Variants in MAGI2 observed in about 807,000 individuals in gnomAD.
MAGI2 encodes the protein membrane-associated guanylate kinase, WW and PDZ domain-containing protein 2.
A neutral mutation model predicts 133.3 loss-of-function variants in MAGI2; 35 were observed. The ratio of observed to expected loss-of-function variants is 0.26; its 90% CI spans 0.20 to 0.35. MAGI2 has a LOEUF of 0.35. Among genes scored for constraint, MAGI2 ranks in the 10% least tolerant of loss-of-function variants. The pLI is 1.00. For missense variants in MAGI2, 1,636 were observed against 1,863.4 expected (o/e 0.88, Z 2.25); for synonymous variants, 729 against 710.6 (o/e 1.03, Z -0.41).
intron 10 of MAGI2, among the ~76,000 whole-genome samples, chr7:78,232,476 G>A (rs2150878148): frequency 6.6e-6 from 1 of 152,314 alleles, no homozygotes; most frequent in East Asian, 1.9e-4. Context: ...CCAGATAATT[G>A]TCGTATGGAC....
chr7:78,528,111 A>G (rs1488148309), intron 3 of MAGI2, among the ~76,000 whole-genome samples: 1 of 152,238 alleles, frequency 6.6e-6, no homozygotes, highest in Non-Finnish European at 1.5e-5. Context: ...TGGTATTCCC[A>G]GAGAGCTTGA....
At chr7:78,126,445 A>G (rs1358939602) in intron 19 of MAGI2, among the ~76,000 whole-genome samples, 3 of 152,214 alleles carry the variant, frequency 2.0e-5, no homozygotes, top group African/African-American at 7.2e-5. Context: ...ATGTAATCTG[A>G]TAGAGTTGAG....
rs529281451 is a variant in MAGI2, at chr7:79,449,137, T to C, written c.301+3883A>G. Among the ~76,000 whole-genome samples the C allele has an allele frequency of 3.3e-5, 5 of 152,282 alleles. No homozygotes were observed. The East Asian group carries it at 9.6e-4, about 29-fold the overall frequency. On this transcript the variant is annotated intron_variant, in intron 1 of 21. Coordinates refer to ENST00000354212, the MANE Select transcript of MAGI2 (RefSeq NM_012301.4). ...TCAGAAAATTTGACATAATTTGTTT[T>C]TACCTTTTCAGATACAAAGGAGTAT...
At chr7:78,647,382 A>G (rs1245725668) in intron 2 of MAGI2, among the ~76,000 whole-genome samples, 2 of 152,224 alleles carry the variant, frequency 1.3e-5, no homozygotes, top group African/African-American at 4.8e-5. Context: ...CAGCCCACAG[A>G]CATATGAAAA....
At chr7:78,464,009 T>G (rs983793386) in intron 6 of MAGI2, among the ~76,000 whole-genome samples, 1 of 152,210 alleles carries the variant, frequency 6.6e-6, no homozygotes, top group African/African-American at 2.4e-5. Flanking sequence ...AAATGGGAAT[T>G]GTTGCAAAGG....
intron 2 of MAGI2, among the ~76,000 whole-genome samples, chr7:78,772,948 C>G (rs1825708727): frequency 6.6e-6 from 1 of 152,168 alleles, no homozygotes; most frequent in Non-Finnish European, 1.5e-5. Context: ...CTAGCATTGG[C>G]TGTTTTCATT....
chr7:78,830,847 A>G (rs895227517), intron 2 of MAGI2, among the ~76,000 whole-genome samples: 4 of 152,174 alleles, frequency 2.6e-5, no homozygotes, highest in Admixed American at 6.5e-5. Flanking sequence ...TGGGCTATGG[A>G]AATAAGATTC....
chr7:79,442,406 G>T (rs976011910), intron 1 of MAGI2, among the ~76,000 whole-genome samples: 1 of 151,656 alleles, frequency 6.6e-6, no homozygotes, highest in Non-Finnish European at 1.5e-5. Flanking sequence ...GTGCCTTTCC[G>T]AGACTATTTA....
intron 3 of MAGI2, among the ~76,000 whole-genome samples, chr7:78,579,220 G>A (rs1802586876): frequency 6.6e-6 from 1 of 152,168 alleles, no homozygotes; most frequent in South Asian, 2.1e-4. Context: ...GTGCAAGCTG[G>A]GAGCACTAAT....
chr7:78,027,939 G>T (rs1297895844), intron 21 of MAGI2, among the ~76,000 whole-genome samples: 1 of 152,158 alleles, frequency 6.6e-6, no homozygotes, highest in Non-Finnish European at 1.5e-5. Context: ...GACAATACTG[G>T]TGTGGTTTTA....
chr7:78,128,219 T>C (rs1821188978), intron 18 of MAGI2, among the ~76,000 whole-genome samples: 1 of 152,202 alleles, frequency 6.6e-6, no homozygotes, highest in Non-Finnish European at 1.5e-5. Context: ...GAGTGTAGCA[T>C]TGTTTTGTGA....
chr7:78,520,421 G>T (rs1273626794), intron 4 of MAGI2, among the ~76,000 whole-genome samples: 1 of 151,992 alleles, frequency 6.6e-6, no homozygotes, highest in Non-Finnish European at 1.5e-5. Context: ...TGTTAGTAGA[G>T]AAACAGCACA....
At chr7:79,104,986 T>A (rs1818324963) in intron 1 of MAGI2, among the ~76,000 whole-genome samples, 1 of 152,206 alleles carries the variant, frequency 6.6e-6, no homozygotes, top group Non-Finnish European at 1.5e-5. Flanking sequence ...TTGGTGAACT[T>A]CTTTATGCAA....
intron 6 of MAGI2, among the ~76,000 whole-genome samples, chr7:78,464,373 G>A (rs558978870): frequency 6.6e-6 from 1 of 152,230 alleles, no homozygotes; most frequent in South Asian, 2.1e-4. Flanking sequence ...TGACTTCACT[G>A]CAGCATGTAT....
chr7:78,949,597 A>T (rs1801703282), intron 2 of MAGI2, among the ~76,000 whole-genome samples: 1 of 152,192 alleles, frequency 6.6e-6, no homozygotes, highest in African/African-American at 2.4e-5. Context: ...TTCTATATTT[A>T]CCTAGTTTCT....
chr7:79,352,821 G>A (rs1178367223), intron 1 of MAGI2, among the ~76,000 whole-genome samples: 2 of 152,116 alleles, frequency 1.3e-5, no homozygotes, highest in Admixed American at 1.3e-4. Context: ...TACCAAGAGT[G>A]CCTCATGCTA....
chr7:79,283,051 A>T (rs1244412366), intron 1 of MAGI2, among the ~76,000 whole-genome samples: 1 of 152,132 alleles, frequency 6.6e-6, no homozygotes, highest in African/African-American at 2.4e-5. Context: ...AAGCTTAAAT[A>T]TGCTACTGAT....
At chr7:78,275,352 G>T (rs748733218) in intron 9 of MAGI2, among the ~76,000 whole-genome samples, 6 of 152,192 alleles carry the variant, frequency 3.9e-5, no homozygotes, top group Non-Finnish European at 8.8e-5. Flanking sequence ...CCTCGATCTC[G>T]CTGGGAGCTG....
intron 20 of MAGI2, among the ~76,000 whole-genome samples, chr7:78,114,092 G>A (rs1431008975): frequency 6.6e-6 from 1 of 152,208 alleles, no homozygotes; most frequent in Non-Finnish European, 1.5e-5. Flanking sequence ...TGTTGAGCCA[G>A]TATTTGAATA....
Sources: gnomAD v4.1 joint callset for allele counts (sites outside exome capture counted in the v4.1 genomes callset) on GRCh38, gnomAD v4.1.1 for gene constraint, MANE v1.5 for transcripts, NCBI Gene and HGNC (gene_info 2026-07-23, HGNC 2026-07-21) for gene names.